The following CPQ variants were observed in gnomAD, a reference collection of about 807,000 sequenced individuals.
The protein encoded by CPQ is carboxypeptidase Q.
In CPQ, 37 loss-of-function variants were observed where a neutral mutation model predicts 45.7. That is an observed-to-expected ratio of 0.81 (90% confidence interval 0.62 to 1.07). The LOEUF is 1.07. CPQ is among the 50% of genes least tolerant of loss of function. The pLI is 0.00. For missense variants in CPQ, 537 were observed against 572.9 expected, an observed-to-expected ratio of 0.94 and a Z score of 0.64; for synonymous variants, 186 against 205.8, an observed-to-expected ratio of 0.90 and a Z score of 0.82.
At chr8:96,954,024 G>A (rs144281092) in intron 4 of CPQ, among the ~76,000 whole-genome samples, 1 of 152,124 alleles carries the variant, frequency 6.6e-6, no homozygotes, top group African/African-American at 2.4e-5. Context: ...AAACAAGATT[G>A]TATCAAGGGC....
intron 6 of CPQ, among the ~76,000 whole-genome samples, chr8:97,031,283 T>C (rs1471927558): frequency 6.8e-6 from 1 of 147,014 alleles, no homozygotes; most frequent in East Asian, 2.0e-4. Flanking sequence ...GCCTCCTGGG[T>C]TCAAGTGATT....
At chr8:96,972,495 C>T (rs1383585092) in intron 5 of CPQ, among the ~76,000 whole-genome samples, 3 of 152,194 alleles carry the variant, frequency 2.0e-5, no homozygotes, top group African/African-American at 7.2e-5. Context: ...TGAGAAACCA[C>T]TTAACCAAGT....
intron 4 of CPQ, among the ~76,000 whole-genome samples, chr8:96,955,278 A>G: frequency 6.6e-6 from 1 of 152,142 alleles, no homozygotes; most frequent in Non-Finnish European, 1.5e-5. Flanking sequence ...TGACTTTTTA[A>G]TGATCACCAT....
At position 96,757,357 on chromosome 8, in the gene CPQ, A is replaced by AATG. The variant is rs1490624728; in HGVS notation, c.-34-27505_-34-27504insGAT. 7.2e-3 allele frequency among the ~76,000 whole-genome samples: 39 copies of AATG among 5,432 alleles called. No homozygotes were observed. In the East Asian group the frequency reaches 0.23, roughly 32 times the overall value. 3.6% of individuals were successfully genotyped at this position (5,432 alleles called of 152,430 possible). ...CAGAGCAAGACTCCATCTCAATGAT[A>AATG]ATAATAATAATAATAATAATAATAA... On this transcript the variant is annotated intron_variant, in intron 1 of 7. Coordinates refer to ENST00000220763, the MANE Select transcript of CPQ (RefSeq NM_016134.4).
At chr8:96,908,694 G>C (rs570812738) in intron 4 of CPQ, among the ~76,000 whole-genome samples, 33 of 151,488 alleles carry the variant, frequency 2.2e-4, no homozygotes, top group African/African-American at 7.5e-4. Context: ...ATTGAAGTTT[G>C]CCTTACTGGA....
chr8:96,743,788 A>G (rs374874306), intron 1 of CPQ, among the ~76,000 whole-genome samples: 23 of 145,858 alleles, frequency 1.6e-4, no homozygotes, highest in Admixed American at 6.2e-4. Context: ...TAGGCTGCTC[A>G]GGGGTCAGGG....
At chr8:96,666,890 T>G (rs1808932124) in intron 1 of CPQ, among the ~76,000 whole-genome samples, 2 of 152,220 alleles carry the variant, frequency 1.3e-5, no homozygotes, top group South Asian at 2.1e-4. Context: ...GAGGTACCAG[T>G]GTTTTCCTCA....
At chr8:96,731,786 T>C (rs552541164) in intron 1 of CPQ, among the ~76,000 whole-genome samples, 11 of 152,210 alleles carry the variant, frequency 7.2e-5, no homozygotes, top group South Asian at 2.1e-4. Flanking sequence ...GGAGGAGTTA[T>C]TGATTTTTTT....
At chr8:96,648,379 C>T (rs1487234529) in intron 1 of CPQ, among the ~76,000 whole-genome samples, 1 of 152,160 alleles carries the variant, frequency 6.6e-6, no homozygotes, top group Non-Finnish European at 1.5e-5. Flanking sequence ...TTTCTTCTCC[C>T]CTACCCTCCC....
intron 7 of CPQ, among the ~76,000 whole-genome samples, chr8:97,120,232 T>C (rs774760731): frequency 3.3e-5 from 5 of 152,190 alleles, no homozygotes; most frequent in African/African-American, 7.2e-5. Flanking sequence ...AAGGCTGGCC[T>C]CTGAAAGTTA....
At chr8:96,941,347 T>C (rs1371347525) in intron 4 of CPQ, among the ~76,000 whole-genome samples, 1 of 152,180 alleles carries the variant, frequency 6.6e-6, no homozygotes, top group Admixed American at 6.5e-5. Flanking sequence ...ATTTGTAAAC[T>C]TTATTTGCAT....
chr8:96,648,228 A>G (rs1417898033), intron 1 of CPQ, among the ~76,000 whole-genome samples: 1 of 152,226 alleles, frequency 6.6e-6, no homozygotes, highest in Non-Finnish European at 1.5e-5. Context: ...TGCCAGTTTG[A>G]TTTAGCTCAG....
intron 4 of CPQ, among the ~76,000 whole-genome samples, chr8:96,889,260 A>T (rs1193402228): frequency 6.6e-6 from 1 of 152,232 alleles, no homozygotes; most frequent in Non-Finnish European, 1.5e-5. Context: ...AAAGACTGAA[A>T]TTCAGCCAGA....
At chr8:96,827,437 T>C (rs1478225342) in intron 2 of CPQ, among the ~76,000 whole-genome samples, 1 of 152,140 alleles carries the variant, frequency 6.6e-6, no homozygotes, top group African/African-American at 2.4e-5. Context: ...TAGTAAAAAC[T>C]GGAGCTGTCT....
chr8:96,891,111 A>G (rs943938198), intron 4 of CPQ, among the ~76,000 whole-genome samples: 3 of 152,322 alleles, frequency 2.0e-5, no homozygotes, highest in South Asian at 4.1e-4. Flanking sequence ...GAATTCCATG[A>G]GCATGCACAC....
intron 1 of CPQ, among the ~76,000 whole-genome samples, chr8:96,750,039 A>G (rs1007437160): frequency 5.9e-5 from 9 of 151,996 alleles, no homozygotes; most frequent in African/African-American, 2.2e-4. Flanking sequence ...TAGAAAAGGA[A>G]AGGGGTATAT....
chr8:96,692,341 A>G (rs1046118137), intron 1 of CPQ, among the ~76,000 whole-genome samples: 9 of 151,702 alleles, frequency 5.9e-5, no homozygotes, highest in African/African-American at 1.7e-4. Flanking sequence ...TTAAGCAAAC[A>G]TAGGCAGTGG....
intron 1 of CPQ, among the ~76,000 whole-genome samples, chr8:96,675,832 ATATT>A (rs1162364145): frequency 6.6e-6 from 1 of 151,980 alleles, no homozygotes; most frequent in Non-Finnish European, 1.5e-5. Context: ...AACTGTTTAT[ATATT>A]TTCTTGCTTT....
intron 4 of CPQ, among the ~76,000 whole-genome samples, chr8:96,890,469 T>C (rs1812358195): frequency 6.6e-6 from 1 of 152,220 alleles, no homozygotes; most frequent in Non-Finnish European, 1.5e-5. Context: ...GGGCCATTTG[T>C]AGTCATGCCT....
Sources: gnomAD v4.1 joint callset for allele counts (sites outside exome capture counted in the v4.1 genomes callset) on GRCh38, gnomAD v4.1.1 for gene constraint, MANE v1.5 for transcripts, NCBI Gene and HGNC (gene_info 2026-07-23, HGNC 2026-07-21) for gene names.